The following PCLO variants were observed in gnomAD, a reference collection of about 807,000 sequenced individuals.
PCLO encodes piccolo presynaptic cytomatrix protein.
PCLO carries 82 observed loss-of-function variants against 427.5 expected under a neutral mutation model. That is an observed-to-expected ratio of 0.19 (90% confidence interval 0.16 to 0.23). The LOEUF is 0.23. Among genes scored for constraint, PCLO ranks in the 10% least tolerant of loss-of-function variants. The pLI, the probability that PCLO is intolerant of heterozygous loss-of-function variation, is 1.00. For missense variants in PCLO, 6,239 were observed against 6,115.9 expected, an observed-to-expected ratio of 1.02 and a Z score of -0.67; for synonymous variants, 2,357 against 2,155.4, an observed-to-expected ratio of 1.09 and a Z score of -2.59.
chr7:82,873,826 T>G (rs200517735), intron 10 of PCLO, among the ~76,000 whole-genome samples: 11,536 of 87,270 alleles, frequency 0.13, 627 homozygotes, highest in East Asian at 0.26. Flanking sequence ...ATTGGGGGGG[T>G]GGTTTCTGTC....
intron 3 of PCLO, among the ~76,000 whole-genome samples, chr7:83,022,279 G>C (rs977333395): frequency 6.6e-5 from 10 of 152,134 alleles, no homozygotes; most frequent in Non-Finnish European, 7.4e-5. Flanking sequence ...CAAACTGAAA[G>C]CAATACATTT....
At chr7:82,981,999 G>A (rs1246733060) in intron 3 of PCLO, among the ~76,000 whole-genome samples, 3 of 152,066 alleles carry the variant, frequency 2.0e-5, no homozygotes, top group Non-Finnish European at 4.4e-5. Context: ...TTGGTTAAAA[G>A]TAAGCAAGCC....
chr7:83,059,380 A>ATATATATATATATATATATAT (rs33911766), intron 3 of PCLO, among the ~76,000 whole-genome samples: 2 of 83,498 alleles, frequency 2.4e-5, no homozygotes. Flanking sequence ...ATATATATAT[A>ATATATATATATATATATATAT]AAAATGAAAA....
rs371334306 is a variant in PCLO, at chr7:82,916,041, C to T, written c.11945G>A (p.Arg3982His). 45 of 1,612,698 alleles carry T rather than the reference C, an allele frequency of 2.8e-5. No homozygotes were observed. Among genetic ancestry groups the T allele is most frequent in the East Asian group, 1.3e-4 (6 of 44,864 alleles). ...AGGTGCTATCATAAGGGGTTGGTTGCGAATCACTTCATAGTTTGAGGTTAT... is the reference window on the plus strand; with the variant it reads ...AGGTGCTATCATAAGGGGTTGGTTGTGAATCACTTCATAGTTTGAGGTTAT... ...PKITSNYEVI[R>H]NQPLMIAPVS... The change falls in exon 7 of 25, where the codon CGC becomes CAC. Residue 3982 changes from arginine (R) to histidine (H), a missense_variant. By Grantham distance (29) the Arg-to-His change is conservative. This residue lies in a region of PCLO where 680 missense variants were observed against 677.3 expected (regional missense o/e 1.00). Coordinates refer to ENST00000333891, the MANE Select transcript of PCLO (RefSeq NM_033026.6).
At chr7:82,896,025 T>C (rs977197606) in intron 9 of PCLO, among the ~76,000 whole-genome samples, 1 of 151,868 alleles carries the variant, frequency 6.6e-6, no homozygotes, top group African/African-American at 2.4e-5. Flanking sequence ...ATATCCCTCA[T>C]GAATATCCAC....
intron 21 of PCLO, among the ~76,000 whole-genome samples, chr7:82,804,935 T>A (rs553568280): frequency 1.3e-4 from 20 of 152,198 alleles, no homozygotes; most frequent in African/African-American, 4.8e-4. Flanking sequence ...AGAAGACTAG[T>A]TAATGGGCAG....
chr7:83,125,488 G>C (rs578119513), intron 3 of PCLO, among the ~76,000 whole-genome samples: 50 of 152,360 alleles, frequency 3.3e-4, no homozygotes, highest in African/African-American at 1.1e-3. Flanking sequence ...GACTGTTACT[G>C]TGTCTGTGTA....
At chr7:83,098,714 T>C (rs1342625890) in intron 3 of PCLO, among the ~76,000 whole-genome samples, 2 of 152,030 alleles carry the variant, frequency 1.3e-5, no homozygotes, top group East Asian at 3.9e-4. Flanking sequence ...CTGAGAAGAG[T>C]TACCTTCCCT....
At position 83,155,234 on chromosome 7, in the gene PCLO, A is replaced by C. The variant is rs760763229; in HGVS notation, c.1407T>G (p.Pro469=). The C allele has an allele frequency of 4.3e-6, 7 of 1,613,044 alleles. No homozygotes were observed. In the South Asian group the frequency reaches 5.5e-5, roughly 13 times the overall value. ...TTGCTGGGCCAGGCAGTTGTGAAGGAGGCTTTGTTGGGCCAGTCTGCTGGG... is the reference window on the plus strand; with the variant it reads ...TTGCTGGGCCAGGCAGTTGTGAAGGCGGCTTTGTTGGGCCAGTCTGCTGGG... ...TSAQQTGPTK[P]PSQLPGPAKP... The change falls in exon 2 of 25, where the codon CCT becomes CCG. Residue 469 remains proline (P), a synonymous_variant. Transcript: ENST00000333891.
chr7:83,097,184 ATATATTATAT>A (rs1790606453), intron 3 of PCLO, among the ~76,000 whole-genome samples: 1 of 120,810 alleles, frequency 8.3e-6, no homozygotes, highest in South Asian at 2.2e-4. Context: ...ATTATATATT[ATATATTATAT>A]TATTATATAA....
At chr7:82,894,907 A>G (rs1793864216) in intron 9 of PCLO, among the ~76,000 whole-genome samples, 1 of 152,068 alleles carries the variant, frequency 6.6e-6, no homozygotes, top group African/African-American at 2.4e-5. Flanking sequence ...GTTTGGCAGA[A>G]ACCAGAGAGA....
In PCLO at chr7:83,155,232, G is replaced by T. The variant is rs1236245468; in HGVS notation, c.1409C>A (p.Pro470His). 1 of 1,613,668 alleles carries T rather than the reference G, an allele frequency of 6.2e-7. No individual in the cohort carries two copies. The highest frequency in any genetic ancestry group is 8.5e-7 in the Non-Finnish European group (1 of 1,179,814). Reference protein sequence around the residue: ...SAQQTGPTKPPSQLPGPAKPP... With the variant: ...SAQQTGPTKPHSQLPGPAKPP... ...CTTTGCTGGGCCAGGCAGTTGTGAA[G>T]GAGGCTTTGTTGGGCCAGTCTGCTG... Residue 470 changes from proline (P) to histidine (H), a missense_variant, in exon 2 of 25, where the codon CCT becomes CAT. Physicochemically the swap from Pro to His is moderately conservative, Grantham distance 77. Transcript: ENST00000333891.
Position 83,155,920 on chromosome 7 carries a change from A to G in PCLO, c.721T>C (p.Ser241Pro). ...QQDGTPKSIS[S>P]QQPEKIKSQP... ...GATTTAATTTTTTCTGGTTGTTGAG[A>G]AGATATTGATTTGGGAGTGCCATCC... is the stretch of plus-strand genomic sequence containing the variant. Residue 241 changes from serine to proline, a missense_variant, in exon 2 of 25, where the codon TCT (serine) becomes CCT (proline). By Grantham distance (74) the Ser-to-Pro change is moderately conservative. Coordinates refer to ENST00000333891, the MANE Select transcript of PCLO (RefSeq NM_033026.6). The G allele has an allele frequency of 1.2e-6, 2 of 1,613,726 alleles. No homozygotes were observed. The highest frequency in any genetic ancestry group is 1.7e-6 in the Non-Finnish European group (2 of 1,179,826).
intron 3 of PCLO, among the ~76,000 whole-genome samples, chr7:83,128,802 T>C (rs1034050448): frequency 1.3e-5 from 2 of 152,146 alleles, no homozygotes; most frequent in East Asian, 1.9e-4. Flanking sequence ...CATTTGAACA[T>C]TGAACCATAT....
rs767625484 is a variant in PCLO at position 82,950,998 on chromosome 7, T to A, written c.9590A>T (p.Asp3197Val). ...AGGGACAATTAAAAGAGCACTTTCA[T>A]CTCCCACCACTTCAGGAAACACTTC... ...ASEVFPEVVG[D>V]ESALLIVPEE... is the part of the protein sequence containing the mutation. Residue 3197 changes from aspartate to valine, a missense_variant, in exon 6 of 25, where the codon GAT becomes GTT. By Grantham distance (152) the Asp-to-Val change is radical. Around this residue, in one of 5 missense-constraint regions of PCLO, gnomAD observed 4,677 missense variants for 4,468.4 expected, o/e 1.05. Transcript: ENST00000333891. The A allele has an allele frequency of 6.2e-7, 1 of 1,613,812 alleles. No homozygotes were observed. Among genetic ancestry groups the A allele is most frequent in the Admixed American group, 1.7e-5 (1 of 60,014 alleles).
In PCLO at chr7:82,847,181, A is replaced by G; in HGVS notation, c.13721T>C (p.Ile4574Thr). The change falls in exon 11 of 25, where the codon ATC (isoleucine) becomes ACC (threonine). Residue 4574 changes from isoleucine to threonine, a missense_variant. Around this residue, in one of 5 missense-constraint regions of PCLO, gnomAD observed 877 missense variants for 925.5 expected, o/e 0.95. Transcript: ENST00000333891. ...TGCTTCCCCACTTTGCTGACTAATG[A>G]TACTCTGAACTTCTTCATATGTTTT... is the stretch of plus-strand genomic sequence containing the variant. ...TSKTYEEVQS[I>T]ISQQSGEAEI... 4 of 1,605,956 alleles carry G rather than the reference A, an allele frequency of 2.5e-6. No individual in the cohort carries two copies. Among genetic ancestry groups the G allele is most frequent in the Non-Finnish European group, 2.6e-6 (3 of 1,175,194 alleles).
chr7:83,061,859 A>G (rs1251688872), intron 3 of PCLO, among the ~76,000 whole-genome samples: 1 of 152,182 alleles, frequency 6.6e-6, no homozygotes, highest in African/African-American at 2.4e-5. Context: ...GGGACTTTGA[A>G]TACATACGAA....
intron 2 of PCLO, among the ~76,000 whole-genome samples, chr7:83,147,030 C>G (rs2116657314): frequency 6.8e-6 from 1 of 147,082 alleles, no homozygotes; most frequent in South Asian, 2.1e-4. Context: ...ATACCTGAAA[C>G]ATCTAGTCAT....
chr7:82,920,393 C>T (rs1053379450), intron 6 of PCLO, among the ~76,000 whole-genome samples: 1 of 151,434 alleles, frequency 6.6e-6, no homozygotes, highest in Non-Finnish European at 1.5e-5. Context: ...TTCAGATAGA[C>T]CTGGTGCCTT....
Sources: gnomAD v4.1 joint callset for allele counts (sites outside exome capture counted in the v4.1 genomes callset) on GRCh38, gnomAD v4.1.1 for gene constraint, gnomAD v4.1.1 regional missense constraint, MANE v1.5 for transcripts, NCBI Gene and HGNC (gene_info 2026-07-23, HGNC 2026-07-21) for gene names.